The following HERC2 variants were observed in gnomAD, a reference collection of about 807,000 sequenced individuals.
The protein encoded by HERC2 is E3 ubiquitin-protein ligase HERC2.
Under a neutral mutation model 537.7 loss-of-function variants are expected in HERC2, and 102 were observed. That is an observed-to-expected ratio of 0.19 (90% CI 0.16 to 0.22). The LOEUF (loss-of-function observed/expected upper bound fraction) is 0.22, where lower values mean the gene tolerates loss of function less well. Ranked by LOEUF, HERC2 falls within the 10% of genes least tolerant of loss-of-function variation. The pLI is 1.00. For synonymous variants in HERC2, 2,224 were observed against 2,466.2 expected (o/e 0.90, Z 2.91); for missense variants, 4,236 against 6,198.2 (o/e 0.68, Z 10.63).
intron 23 of HERC2, among the ~76,000 whole-genome samples, chr15:28,241,898 T>C (rs778769508): frequency 3.9e-5 from 6 of 152,120 alleles, no homozygotes; most frequent in Admixed American, 6.5e-5. Context: ...TTATTCACAA[T>C]AGCCAAAAGA....
chr15:28,310,635 T>C (rs952474660), intron 2 of HERC2, among the ~76,000 whole-genome samples: 3 of 152,134 alleles, frequency 2.0e-5, no homozygotes, highest in Admixed American at 6.6e-5. Flanking sequence ...ACAATGCACA[T>C]GATAAGAGGC....
intron 64 of HERC2, among the ~76,000 whole-genome samples, chr15:28,175,268 T>C (rs758109699): frequency 3.3e-5 from 5 of 151,952 alleles, no homozygotes; most frequent in Non-Finnish European, 7.4e-5. Context: ...TCCACACACT[T>C]TTCACGTGGA....
chr15:28,146,384 G>A, intron 70 of HERC2, 40 bp from the exon 71 acceptor site: 1 of 1,334,082 alleles, frequency 7.5e-7, no homozygotes, highest in Non-Finnish European at 1.1e-6. Context: ...AACCACTCCA[G>A]ATCAGCACCC....
At chr15:28,205,243 C>A (rs1425700324) in intron 45 of HERC2, among the ~76,000 whole-genome samples, 2 of 143,430 alleles carry the variant, frequency 1.4e-5, no homozygotes, top group Admixed American at 7.1e-5. Flanking sequence ...GACAACTCTA[C>A]ACGGCCTTCC....
At chr15:28,236,088 C>T (rs1250870636) in intron 26 of HERC2, among the ~76,000 whole-genome samples, 1 of 152,080 alleles carries the variant, frequency 6.6e-6, no homozygotes, top group Non-Finnish European at 1.5e-5. Context: ...TGCAGGGAGA[C>T]AAAAGCCATG....
chr15:28,157,154 A>G (rs1234270631), intron 69 of HERC2, among the ~76,000 whole-genome samples: 1 of 152,130 alleles, frequency 6.6e-6, no homozygotes, highest in Admixed American at 6.6e-5. Flanking sequence ...GTTTGCCAGT[A>G]TTTTATTGAG....
intron 68 of HERC2, among the ~76,000 whole-genome samples, chr15:28,167,324 G>A (rs531318501): frequency 2.5e-4 from 38 of 152,312 alleles, no homozygotes; most frequent in Non-Finnish European, 5.0e-4. Flanking sequence ...CTGTCAAAAC[G>A]AAGAACTGAA....
At chr15:28,136,797 A>G (rs1890690256) in intron 78 of HERC2, among the ~76,000 whole-genome samples, 2 of 152,266 alleles carry the variant, frequency 1.3e-5, no homozygotes, top group South Asian at 2.1e-4. Context: ...CTTTACAGAA[A>G]GTGTTTACCA....
At chr15:28,307,388 A>G (rs1167323633) in intron 2 of HERC2, among the ~76,000 whole-genome samples, 2 of 152,036 alleles carry the variant, frequency 1.3e-5, no homozygotes, top group Non-Finnish European at 2.9e-5. Flanking sequence ...TCTAATTTTT[A>G]TTATTTCTGT....
Position 28,163,219 on chromosome 15 carries a change from G to T in HERC2, c.10621C>A (p.Leu3541Met). The T allele has an allele frequency of 6.2e-7, 1 of 1,613,890 alleles. No individual in the cohort carries two copies. The highest frequency in any genetic ancestry group is 8.5e-7 in the Non-Finnish European group (1 of 1,180,036). ...ACCACACGAGTGTCATCCGCAATCA[G>T]CAGACTGGTGAACTCATCCAAGGCC... ...PQALDEFTSL[L>M]IADDTRVVVD... The change falls in exon 69 of 93, where the codon CTG (leucine) becomes ATG (methionine). Residue 3541 changes from leucine (L) to methionine (M), a missense_variant. Coordinates refer to ENST00000261609, the MANE Select transcript of HERC2 (RefSeq NM_004667.6).
In HERC2 at chr15:28,272,255, A is replaced by G. The variant is rs1261159705; in HGVS notation, c.1043T>C (p.Ile348Thr). Residue 348 changes from isoleucine (I) to threonine (T), a missense_variant, in exon 9 of 93, where the codon ATT becomes ACT. Ile to Thr is a moderately conservative substitution (Grantham distance 89, BLOSUM62 -1). Around this residue, in one of 27 missense-constraint regions of HERC2, gnomAD observed 491 missense variants for 559.3 expected, o/e 0.88. Transcript: ENST00000261609. ...GGAGTGGGGTGCATCCTTCCTGCAA[A>G]TGATGCTCTGGAACCTTTGCAGCAA... ...LPLLQRFQSI[I>T]CRKDAPHSEG... 6.2e-7 allele frequency: 1 copy of G among 1,611,376 alleles called. No homozygotes were observed. The highest frequency in any genetic ancestry group is 8.5e-7 in the Non-Finnish European group (1 of 1,179,094).
chr15:28,265,788 A>C lies in HERC2; in HGVS notation c.1756+29T>G. 6.2e-7 allele frequency: 1 copy of C among 1,614,120 alleles called. No homozygotes were observed. Among genetic ancestry groups the C allele is most frequent in the Middle Eastern group, 1.6e-4 (1 of 6,062 alleles). ...CCTGTAAGAGGCCACCTCCTGCTGC[A>C]TGCTCCCACTCATGCAGAGCAGACG... On this transcript the variant is annotated intron_variant, in intron 13 of 92. Coordinates refer to ENST00000261609, the MANE Select transcript of HERC2 (RefSeq NM_004667.6). This position sits in a 1 kb window ranked among gnomAD's most constrained non-coding sequence, Gnocchi z 4.0.
intron 3 of HERC2, among the ~76,000 whole-genome samples, chr15:28,293,328 C>T (rs565060933): frequency 6.6e-6 from 1 of 151,998 alleles, no homozygotes; most frequent in African/African-American, 2.4e-5. Flanking sequence ...CCCATCTCTA[C>T]TAAAAATACA....
At position 28,274,420 on chromosome 15, in the gene HERC2, A is replaced by G. The variant is rs1348526537; in HGVS notation, c.671T>C (p.Leu224Pro). ...CAGGGCGTCCAGGGACTCCTGCAAC[A>G]GCTCACTGCAGAGGTCCGCATCCTC... is the stretch of plus-strand genomic sequence containing the variant. ...SGEDADLCSE[L>P]LQESLDALRA... Residue 224 changes from leucine to proline, a missense_variant, in exon 7 of 93, where the codon CTG (leucine) becomes CCG (proline). Leu to Pro is a moderately conservative substitution (Grantham distance 98). This residue lies in a region of HERC2 where 491 missense variants were observed against 559.3 expected (regional missense o/e 0.88). Coordinates refer to ENST00000261609, the MANE Select transcript of HERC2 (RefSeq NM_004667.6). The G allele has an allele frequency of 6.2e-7, 1 of 1,613,024 alleles. No individual in the cohort carries two copies. The highest frequency in any genetic ancestry group is 8.5e-7 in the Non-Finnish European group (1 of 1,179,606).
At chr15:28,152,290 A>G (rs1464073788) in intron 70 of HERC2, among the ~76,000 whole-genome samples, 1 of 152,250 alleles carries the variant, frequency 6.6e-6, no homozygotes, top group African/African-American at 2.4e-5. Context: ...TGTTAAAAAC[A>G]AAAGATATAC....
intron 4 of HERC2, among the ~76,000 whole-genome samples, chr15:28,287,356 A>G (rs967622990): frequency 3.3e-5 from 5 of 152,104 alleles, no homozygotes; most frequent in Admixed American, 6.6e-5. Flanking sequence ...GCTGCCAGGT[A>G]GAGAGTCGGT....
intron 2 of HERC2, among the ~76,000 whole-genome samples, chr15:28,316,342 G>A (rs1403056197): frequency 6.7e-6 from 1 of 150,172 alleles, no homozygotes; most frequent in Non-Finnish European, 1.5e-5. Flanking sequence ...TTAAAAGTTA[G>A]TTCTTTAAAA....
intron 35 of HERC2, among the ~76,000 whole-genome samples, chr15:28,226,495 A>G (rs1175178521): frequency 1.3e-5 from 2 of 152,194 alleles, no homozygotes; most frequent in African/African-American, 4.8e-5. Flanking sequence ...AAGGGTACCC[A>G]GAACTTCAGG....
chr15:28,206,574 G>A (rs536584642), intron 44 of HERC2, among the ~76,000 whole-genome samples, 192 bp from the exon 45 acceptor site: 2 of 151,498 alleles, frequency 1.3e-5, no homozygotes, highest in African/African-American at 2.4e-5. Context: ...TGGCTCACGC[G>A]TGTAATCCCT....
Sources: gnomAD v4.1 joint callset for allele counts (sites outside exome capture counted in the v4.1 genomes callset) on GRCh38, gnomAD v4.1.1 for gene constraint, gnomAD v4.1.1 regional missense constraint, Gnocchi (gnomAD v3.1) non-coding constraint, MANE v1.5 for transcripts, NCBI Gene and HGNC (gene_info 2026-07-23, HGNC 2026-07-21) for gene names.